HDAC9: variants seen among roughly 807,000 people sequenced by gnomAD.
HDAC9 encodes histone deacetylase 9.
Under a neutral mutation model 139.4 loss-of-function variants are expected in HDAC9, and 41 were observed. The observed-to-expected ratio is 0.29, with a 90% CI of 0.23 to 0.38. The LOEUF is 0.38. HDAC9 is among the 10% of genes least tolerant of loss of function. The probability of loss-of-function intolerance (pLI) is 1.00; values close to 1 mark genes in which losing one functional copy is unlikely to be tolerated. For missense variants in HDAC9, 1,147 were observed against 1,297.0 expected (o/e 0.88, Z 1.78); for synonymous variants, 517 against 476.2 (o/e 1.09, Z -1.12).
intron 2 of HDAC9, among the ~76,000 whole-genome samples, chr7:18,193,320 A>G (rs1203942494): frequency 6.6e-6 from 1 of 152,208 alleles, no homozygotes; most frequent in Non-Finnish European, 1.5e-5. Context: ...AGCTTCTACC[A>G]TTTGTTTCAG....
At chr7:18,547,825 T>TTCCTTCCTTCCTTCCTTCCC (rs1815531988) in intron 2 of HDAC9, among the ~76,000 whole-genome samples, 3 of 126,692 alleles carry the variant, frequency 2.4e-5, no homozygotes, top group African/African-American at 9.2e-5. Context: ...CCTTCCTTCC[T>TTCCTTCCTTCCTTCCTTCCC]TCCTTCCTTC....
At chr7:18,322,527 T>A (rs530355360) in intron 1 of HDAC9, among the ~76,000 whole-genome samples, 1 of 152,334 alleles carries the variant, frequency 6.6e-6, no homozygotes, top group East Asian at 1.9e-4. Context: ...GCGTCCCTTA[T>A]CTTCTACTTA....
intron 12 of HDAC9, among the ~76,000 whole-genome samples, chr7:18,684,900 C>G (rs1202817236): frequency 6.6e-6 from 1 of 151,974 alleles, no homozygotes; most frequent in Non-Finnish European, 1.5e-5. Context: ...TTTATCACAT[C>G]ATTTCTCTTG....
intron 21 of HDAC9, among the ~76,000 whole-genome samples, chr7:18,850,885 A>T (rs1797237851): frequency 6.6e-6 from 1 of 151,950 alleles, no homozygotes. Flanking sequence ...GGGTGAGGCA[A>T]CTCTGTAGGT....
At chr7:18,662,750 G>A (rs1325253759) in intron 11 of HDAC9, among the ~76,000 whole-genome samples, 1 of 152,076 alleles carries the variant, frequency 6.6e-6, no homozygotes, top group Non-Finnish European at 1.5e-5. Context: ...GAGATTTGAA[G>A]GGAGAGGAGG....
rs138039724 is a variant in HDAC9, at chr7:18,866,608, G to A, written c.2685-7870G>A. 1.4e-4 allele frequency among the ~76,000 whole-genome samples: 22 copies of A among 152,288 alleles called. No individual in the cohort carries two copies. In the East Asian group the frequency reaches 4.2e-3, roughly 29 times the overall value. On this transcript the variant is annotated intron_variant, in intron 21 of 25. Transcript: ENST00000686413. ...ATTTTTGAATCCCAGCACCATCCCA[G>A]TGCTTCCCATATGGCAGGGACTCAA...
At chr7:18,094,120 C>G (rs1388205556) in intron 1 of HDAC9, among the ~76,000 whole-genome samples, 1 of 152,156 alleles carries the variant, frequency 6.6e-6, no homozygotes, top group Non-Finnish European at 1.5e-5. Flanking sequence ...CAGGTGCACA[C>G]CTATGGACTA....
chr7:18,855,496 A>G (rs1333229772), intron 21 of HDAC9, among the ~76,000 whole-genome samples: 1 of 151,832 alleles, frequency 6.6e-6, no homozygotes, highest in African/African-American at 2.4e-5. Flanking sequence ...CATCATGAGC[A>G]TGCCTTTCCT....
intron 6 of HDAC9, among the ~76,000 whole-genome samples, chr7:18,604,858 A>G (rs1464064115): frequency 1.3e-5 from 2 of 152,022 alleles, no homozygotes; most frequent in Non-Finnish European, 2.9e-5. Context: ...AGTTCCTTTA[A>G]GTTCCCTTTC....
intron 1 of HDAC9, among the ~76,000 whole-genome samples, chr7:18,290,701 A>G (rs1487138522): frequency 1.3e-5 from 2 of 152,212 alleles, no homozygotes; most frequent in African/African-American, 4.8e-5. Flanking sequence ...CAAAAATTAC[A>G]TTGAGCAAAA....
intron 1 of HDAC9, among the ~76,000 whole-genome samples, chr7:18,464,343 A>G (rs141377794): frequency 2.0e-4 from 31 of 152,120 alleles, no homozygotes; most frequent in African/African-American, 7.0e-4. Flanking sequence ...TCAAACTACC[A>G]TCATATTTTT....
At chr7:18,260,468 G>A (rs995120655) in intron 2 of HDAC9, 7 of 152,058 alleles carry the variant, frequency 4.6e-5, no homozygotes, top group Non-Finnish European at 8.8e-5. Context: ...ACAGGCGCCC[G>A]CCACCATGCC....
chr7:18,093,881 C>G (rs983268412), intron 1 of HDAC9, among the ~76,000 whole-genome samples: 1 of 152,130 alleles, frequency 6.6e-6, no homozygotes, highest in African/African-American at 2.4e-5. Flanking sequence ...ACTTAAATAT[C>G]TTCTTTAAAT....
At chr7:18,272,791 A>C (rs773468631) in intron 2 of HDAC9, among the ~76,000 whole-genome samples, 3 of 152,146 alleles carry the variant, frequency 2.0e-5, no homozygotes, top group Non-Finnish European at 2.9e-5. Flanking sequence ...CAAATTTTTA[A>C]ATAGAATTTG....
intron 2 of HDAC9, among the ~76,000 whole-genome samples, chr7:18,580,176 G>T (rs143942613): frequency 6.6e-6 from 1 of 152,172 alleles, no homozygotes; most frequent in Admixed American, 6.5e-5. Flanking sequence ...GAATGTTCAT[G>T]TTCATGCTCA....
At chr7:18,832,133 C>T (rs1466440585) in intron 19 of HDAC9, among the ~76,000 whole-genome samples, 1 of 152,234 alleles carries the variant, frequency 6.6e-6, no homozygotes, top group Non-Finnish European at 1.5e-5. Flanking sequence ...TGCTTTTCAA[C>T]TTGCAAGAGA....
At chr7:18,502,412 A>G (rs1257995885) in intron 2 of HDAC9, 1 of 152,188 alleles carries the variant, frequency 6.6e-6, no homozygotes, top group Admixed American at 6.5e-5. Flanking sequence ...TCAAGTTTCT[A>G]TTGGGAAGAA....
At position 18,121,186 on chromosome 7, in the gene HDAC9, G is replaced by A. The variant is rs1192282630; in HGVS notation, c.-97+33973G>A. Among the ~76,000 whole-genome samples the A allele has an allele frequency of 4.6e-5, 7 of 152,194 alleles. No individual in the cohort carries two copies. The South Asian group carries it at 1.2e-3, about 27-fold the overall frequency. ...TTATTTGAAAACTTACATTTTATGAGTGGGAAGTGTGGTTTAAGGTAATTG... is the reference window on the plus strand; with the variant it reads ...TTATTTGAAAACTTACATTTTATGAATGGGAAGTGTGGTTTAAGGTAATTG... On this transcript the variant is annotated intron_variant, in intron 1 of 12. Transcript: ENST00000417496.
intron 2 of HDAC9, among the ~76,000 whole-genome samples, chr7:18,187,045 C>T (rs1375403473): frequency 6.6e-6 from 1 of 152,182 alleles, no homozygotes; most frequent in African/African-American, 2.4e-5. Flanking sequence ...TGGGCAAACC[C>T]TATGATCTTT....
Sources: gnomAD v4.1 joint callset for allele counts (sites outside exome capture counted in the v4.1 genomes callset) on GRCh38, gnomAD v4.1.1 for gene constraint, MANE v1.5 for transcripts, NCBI Gene and HGNC (gene_info 2026-07-23, HGNC 2026-07-21) for gene names.